Variants in ADCY2 observed in about 807,000 individuals in gnomAD.
ADCY2 encodes adenylate cyclase 2.
A neutral mutation model predicts 125.2 loss-of-function variants in ADCY2; 31 were observed. That is an observed-to-expected ratio of 0.25 (90% CI 0.19 to 0.33). The LOEUF is 0.33. Ranked by LOEUF, ADCY2 falls within the 10% of genes least tolerant of loss-of-function variation. ADCY2 has a pLI of 1.00. For synonymous variants in ADCY2, 512 were observed against 548.4 expected (o/e 0.93, Z 0.93); for missense variants, 904 against 1,418.2 (o/e 0.64, Z 5.82).
At chr5:7,470,186 A>G (rs1177470361) in intron 2 of ADCY2, among the ~76,000 whole-genome samples, 1 of 151,864 alleles carries the variant, frequency 6.6e-6, no homozygotes, top group Non-Finnish European at 1.5e-5. Flanking sequence ...CTTAGAGAAC[A>G]ATAAATAGCA....
At chr5:7,636,333 A>T (rs1051790533) in intron 4 of ADCY2, among the ~76,000 whole-genome samples, 1 of 152,238 alleles carries the variant, frequency 6.6e-6, no homozygotes, top group Admixed American at 6.5e-5. Context: ...GGGGTTCAGG[A>T]CATTGTGCAA....
chr5:7,487,561 C>T (rs940618700), intron 2 of ADCY2, among the ~76,000 whole-genome samples: 23 of 152,190 alleles, frequency 1.5e-4, no homozygotes, highest in African/African-American at 5.5e-4. Context: ...AAGCTTTCCA[C>T]TGTGGGTGAG....
intron 23 of ADCY2, among the ~76,000 whole-genome samples, chr5:7,820,255 G>T (rs1374837046): frequency 6.6e-6 from 1 of 152,090 alleles, no homozygotes; most frequent in African/African-American, 2.4e-5. Flanking sequence ...CACTTTGGGA[G>T]GCCAAGACAG....
intron 2 of ADCY2, among the ~76,000 whole-genome samples, chr5:7,430,464 T>C (rs886229610): frequency 6.7e-6 from 1 of 148,636 alleles, no homozygotes; most frequent in Admixed American, 6.7e-5. Flanking sequence ...CAAATCAAAA[T>C]TTATCAAGTG....
At chr5:7,468,947 C>G (rs908332394) in intron 2 of ADCY2, among the ~76,000 whole-genome samples, 2 of 152,108 alleles carry the variant, frequency 1.3e-5, no homozygotes, top group Admixed American at 6.6e-5. Flanking sequence ...AGCTATATCA[C>G]TCCACAGTAT....
At chr5:7,710,129 G>A (rs541964417) in intron 10 of ADCY2, among the ~76,000 whole-genome samples, 3 of 152,318 alleles carry the variant, frequency 2.0e-5, no homozygotes, top group Non-Finnish European at 4.4e-5. Flanking sequence ...GAACATGCCA[G>A]TTGTCAGGTG....
intron 3 of ADCY2, among the ~76,000 whole-genome samples, chr5:7,565,342 A>T (rs1056316709): frequency 3.3e-5 from 5 of 152,376 alleles, no homozygotes; most frequent in Non-Finnish European, 7.3e-5. Context: ...AGCTAGAGAA[A>T]TGAATGCAGA....
At chr5:7,779,287 AG>A (rs1244617262) in intron 18 of ADCY2, among the ~76,000 whole-genome samples, 4 of 152,240 alleles carry the variant, frequency 2.6e-5, no homozygotes, top group Non-Finnish European at 4.4e-5. Context: ...ACTCATCTGC[AG>A]GAAGAAACTC....
chr5:7,639,823 C>T (rs1047557253), intron 4 of ADCY2, among the ~76,000 whole-genome samples: 1 of 152,172 alleles, frequency 6.6e-6, no homozygotes, highest in African/African-American at 2.4e-5. Context: ...TTCATTCTCC[C>T]TCCCAGGCCT....
At chr5:7,503,024 G>A (rs1482678242) in intron 2 of ADCY2, among the ~76,000 whole-genome samples, 1 of 152,140 alleles carries the variant, frequency 6.6e-6, no homozygotes, top group East Asian at 1.9e-4. Flanking sequence ...CTGTTTGTCT[G>A]GTGCCTACTG....
At chr5:7,419,645 G>C (rs144662167) in intron 2 of ADCY2, among the ~76,000 whole-genome samples, 1 of 152,202 alleles carries the variant, frequency 6.6e-6, no homozygotes, top group Non-Finnish European at 1.5e-5. Context: ...ACCACATTCA[G>C]ACTGTCCTGG....
At chr5:7,409,645 C>T (rs2126316676) in intron 1 of ADCY2, among the ~76,000 whole-genome samples, 1 of 152,260 alleles carries the variant, frequency 6.6e-6, no homozygotes, top group East Asian at 1.9e-4. Context: ...CTAATGGTTG[C>T]ATGTGGAATT....
At chr5:7,546,794 C>T (rs1040224858) in intron 3 of ADCY2, among the ~76,000 whole-genome samples, 4 of 152,158 alleles carry the variant, frequency 2.6e-5, no homozygotes, top group Non-Finnish European at 5.9e-5. Flanking sequence ...CTCCTTCTTT[C>T]GTTTACAGAA....
intron 2 of ADCY2, among the ~76,000 whole-genome samples, chr5:7,489,516 G>A (rs1161436133): frequency 6.6e-6 from 1 of 152,174 alleles, no homozygotes; most frequent in Admixed American, 6.5e-5. Context: ...ATGGTAGTGA[G>A]TGAGTCTCAC....
chr5:7,471,438 A>G (rs1456355314), intron 2 of ADCY2, among the ~76,000 whole-genome samples: 1 of 151,998 alleles, frequency 6.6e-6, no homozygotes, highest in Non-Finnish European at 1.5e-5. Context: ...CCTTAATTAT[A>G]GTCCACCCTT....
At chr5:7,433,996 G>A (rs948230126) in intron 2 of ADCY2, among the ~76,000 whole-genome samples, 3 of 151,974 alleles carry the variant, frequency 2.0e-5, no homozygotes, top group Non-Finnish European at 4.4e-5. Flanking sequence ...TAAAATCTAA[G>A]AAAAGCAAAC....
chr5:7,596,264 G>A (rs1009941932), intron 3 of ADCY2, among the ~76,000 whole-genome samples: 3 of 104,436 alleles, frequency 2.9e-5, no homozygotes, highest in South Asian at 2.7e-4. Flanking sequence ...CCAAATGCCC[G>A]ATCCAAAAAC....
intron 2 of ADCY2, among the ~76,000 whole-genome samples, chr5:7,493,603 G>A (rs1743244260): frequency 6.6e-6 from 1 of 152,146 alleles, no homozygotes; most frequent in African/African-American, 2.4e-5. Flanking sequence ...AAGATGTGAA[G>A]ACAGTAGGCA....
chr5:7,706,905 A>G lies in ADCY2; in HGVS notation c.1268+3A>G. On this transcript the variant is annotated splice_donor_region_variant and intron_variant, in intron 8 of 24. Transcript: ENST00000338316. ...ATGGAAGCTGGAGGGGTCCCTGGGT[A>G]AGGCCAAGCATTGGATTTCTTTCTT... The G allele has an allele frequency of 1.2e-6, 2 of 1,613,972 alleles. No individual in the cohort carries two copies. The highest frequency in any genetic ancestry group is 1.7e-6 in the Non-Finnish European group (2 of 1,179,934).
Sources: allele counts gnomAD v4.1 joint callset (sites outside exome capture counted in the v4.1 genomes callset), GRCh38; gene constraint gnomAD v4.1.1; transcripts MANE v1.5; gene names NCBI Gene and HGNC (gene_info 2026-07-23, HGNC 2026-07-21).